Variants in ZNF470 observed in about 807,000 individuals in gnomAD.
The protein encoded by ZNF470 is zinc finger protein 470, also known as chondrogenesis zinc finger protein 1.
Under a neutral mutation model 13.9 loss-of-function variants are expected in ZNF470, and 13 were observed. The observed-to-expected ratio is 0.94, with a 90% CI of 0.61 to 1.49. The LOEUF (loss-of-function observed/expected upper bound fraction) is 1.49, where lower values mean the gene tolerates loss of function less well. Ranked by LOEUF, ZNF470 falls within the 40% of genes most tolerant of loss-of-function variation. The pLI is 0.00. For synonymous variants in ZNF470, 293 were observed against 282.9 expected (o/e 1.04, Z -0.36); for missense variants, 929 against 857.3 (o/e 1.08, Z -1.04).
At chr19:56,569,642 T>C (rs1261028496) in intron 2 of ZNF470, among the ~76,000 whole-genome samples, 1 of 152,112 alleles carries the variant, frequency 6.6e-6, no homozygotes, top group African/African-American at 2.4e-5. Flanking sequence ...TTAAAGACAG[T>C]ATTAATATAT....
At chr19:56,574,361 T>C (rs1473112280) in intron 3 of ZNF470, 33 bp from the exon 4 acceptor site, 1 of 1,613,064 alleles carries the variant, frequency 6.2e-7, no homozygotes, top group South Asian at 1.1e-5. Context: ...ATGTGAACAC[T>C]GAGTGAGCAA....
Position 56,570,289 on chromosome 19 carries a change from C to T in ZNF470, c.-23C>T. Reference sequence around the variant, plus strand: ...TTCTTTTTCTCCCCAGCTCTACAATCCCAGAGTAAAGCTCTTCTCCAAATG... The same window carrying T: ...TTCTTTTTCTCCCCAGCTCTACAATTCCAGAGTAAAGCTCTTCTCCAAATG... On this transcript the variant is annotated 5_prime_UTR_variant, in exon 3 of 6. Coordinates refer to ENST00000330619, the MANE Select transcript of ZNF470 (RefSeq NM_001001668.4). The T allele has an allele frequency of 1.9e-6, 3 of 1,611,710 alleles. No homozygotes were observed. The highest frequency in any genetic ancestry group is 2.5e-6 in the Non-Finnish European group (3 of 1,177,928).
chr19:56,570,245 C>A, intron 2 of ZNF470, 35 bp from the exon 3 acceptor site: 1 of 1,465,844 alleles, frequency 6.8e-7, no homozygotes, highest in South Asian at 1.1e-5. Flanking sequence ...ATTATTAGTG[C>A]TACTTGGTTT....
Position 56,578,868 on chromosome 19 carries a change from T to G in ZNF470, c.*285T>G. 1 of 1,116,952 alleles carries G rather than the reference T, an allele frequency of 9.0e-7. No homozygotes were observed. Among genetic ancestry groups the G allele is most frequent in the Non-Finnish European group, 1.1e-6 (1 of 915,048 alleles). 69.2% of individuals were successfully genotyped at this position (1,116,952 alleles called of 1,614,324 possible). ...ACACTGGCATATAGTTATTGCTAAA[T>G]AAATGCTAGCCATTAAGGTAAAGGT... On this transcript the variant is annotated 3_prime_UTR_variant, in exon 6 of 6. Coordinates refer to ENST00000330619, the MANE Select transcript of ZNF470 (RefSeq NM_001001668.4).
In ZNF470 at chr19:56,581,358, C is replaced by G. The variant is rs1027302026; in HGVS notation, c.*2775C>G. 1.1e-6 allele frequency: 1 copy of G among 948,684 alleles called. No homozygotes were observed. Among genetic ancestry groups the G allele is most frequent in the African/African-American group, 1.8e-5 (1 of 56,428 alleles). The allele number at this position is 948,684 out of a possible 1,614,324, so 58.8% of individuals were successfully genotyped here. A position where few individuals can be genotyped will look rare whatever the true frequency, so the allele number is the denominator to read the frequency against. On this transcript the variant is annotated 3_prime_UTR_variant, in exon 6 of 6. Transcript: ENST00000330619. ...TTCAGTATTGGTGAATGTGTGGAAA[C>G]AAGGGAATTCCATTGTTGATTACAT...
chr19:56,576,932 T>C lies in ZNF470; in HGVS notation c.503T>C (p.Ile168Thr), dbSNP rs1302329739. Reference sequence around the variant, plus strand: ...ACCATCACTCATATAGATACTCTTATTGAAAAAAGAGATCACTCTAACAAA... The same window carrying C: ...ACCATCACTCATATAGATACTCTTACTGAAAAAAGAGATCACTCTAACAAA... ...QETITHIDTL[I>T]EKRDHSNKSG... The change falls in exon 6 of 6, where the codon ATT becomes ACT. Residue 168 changes from isoleucine (I) to threonine (T), a missense_variant. Transcript: ENST00000330619. 7 of 1,579,302 alleles carry C rather than the reference T, an allele frequency of 4.4e-6. No individual in the cohort carries two copies. Among genetic ancestry groups the C allele is most frequent in the East Asian group, 2.2e-5 (1 of 44,654 alleles).
At position 56,578,007 on chromosome 19, in the gene ZNF470, A is replaced by G. The variant is rs4570977; in HGVS notation, c.1578A>G (p.Gln526=). The G allele has an allele frequency of 0.25, 403,931 of 1,613,714 alleles. 53,478 individuals carry two copies. Among genetic ancestry groups the G allele is most frequent in the Middle Eastern group, 0.28 (1,720 of 6,060 alleles). ...TCAGCCAGAATGCACACCTCGCGCA[A>G]CATCAGAAAATACACACTGGGGAGA... ...KTFSQNAHLA[Q]HQKIHTGEKP... The change falls in exon 6 of 6, where the codon CAA becomes CAG. Residue 526 remains glutamine, a synonymous_variant. Coordinates refer to ENST00000330619, the MANE Select transcript of ZNF470 (RefSeq NM_001001668.4).
chr19:56,574,239 C>T, intron 3 of ZNF470, 155 bp from the exon 4 acceptor site: 5 of 1,220,536 alleles, frequency 4.1e-6, no homozygotes, highest in Non-Finnish European at 6.0e-6. Context: ...AAAAGTTGTC[C>T]AATAACTTAC....
rs2044523845 is a variant in ZNF470 at position 56,580,054 on chromosome 19, G to C, written c.*1471G>C. 4.2e-6 allele frequency: 3 copies of C among 707,976 alleles called. No individual in the cohort carries two copies. In the South Asian group the frequency reaches 1.9e-4, roughly 45 times the overall value. The allele number at this position is 707,976 out of a possible 1,614,324, so 43.9% of individuals were successfully genotyped here. A position where few individuals can be genotyped will look rare whatever the true frequency, so the allele number is the denominator to read the frequency against. ...TCTAGTAGAACAGAAAAAATTAAAT[G>C]CATGCTATGTGATAAGTATATGATA... On this transcript the variant is annotated 3_prime_UTR_variant, in exon 6 of 6. Transcript: ENST00000330619.
In ZNF470 at chr19:56,577,085, A is replaced by T. The variant is rs200485305; in HGVS notation, c.656A>T (p.Lys219Met). The part of the protein sequence containing the change: ...LKTHSVVKKH[K>M]QDRGEKKLLK... ...ACACATTCAGTTGTGAAAAAACACA[A>T]GCAAGACCGTGGAGAAAAGAAACTT... is the stretch of plus-strand genomic sequence containing the variant. Residue 219 changes from lysine to methionine, a missense_variant, in exon 6 of 6, where the codon AAG (lysine) becomes ATG (methionine). Coordinates refer to ENST00000330619, the MANE Select transcript of ZNF470 (RefSeq NM_001001668.4). 8 of 1,604,260 alleles carry T rather than the reference A, an allele frequency of 5.0e-6. No homozygotes were observed. The African/African-American group carries it at 1.1e-4, about 22-fold the overall frequency.
Position 56,577,538 on chromosome 19 carries a change from G to A in ZNF470, c.1109G>A (p.Cys370Tyr). Residue 370 changes from cysteine (C) to tyrosine (Y), a missense_variant, in exon 6 of 6, where the codon TGT becomes TAT. Transcript: ENST00000330619. ...CACACTGGGAAAAGACCTTATGAAT[G>A]TATTGACTGTGGGAAAGCTTTCAGG... ...RIHTGKRPYE[C>Y]IDCGKAFRQN... 1 of 1,614,122 alleles carries A rather than the reference G, an allele frequency of 6.2e-7. No homozygotes were observed. The highest frequency in any genetic ancestry group is 8.5e-7 in the Non-Finnish European group (1 of 1,180,022).
At position 56,579,805 on chromosome 19, in the gene ZNF470, C is replaced by G; in HGVS notation, c.*1222C>G. The G allele has an allele frequency of 3.3e-6, 3 of 905,620 alleles. No individual in the cohort carries two copies. Among genetic ancestry groups the G allele is most frequent in the Non-Finnish European group, 4.0e-6 (3 of 757,544 alleles). 56.1% of individuals were successfully genotyped at this position (905,620 alleles called of 1,614,324 possible). A position where few individuals can be genotyped will look rare whatever the true frequency, so the allele number is the denominator to read the frequency against. ...GAAAATCTGATAAAAATATTTCTCCCTAAATTGTAAATTCATTGATATTCC... is the reference window on the plus strand; with the variant it reads ...GAAAATCTGATAAAAATATTTCTCCGTAAATTGTAAATTCATTGATATTCC... On this transcript the variant is annotated 3_prime_UTR_variant, in exon 6 of 6. Transcript: ENST00000330619.
Position 56,567,990 on chromosome 19 carries a change from A to T in ZNF470, c.-207A>T. On this transcript the variant is annotated 5_prime_UTR_variant, in exon 1 of 6. It removes an upstream start codon present in the reference 5' UTR. Coordinates refer to ENST00000330619, the MANE Select transcript of ZNF470 (RefSeq NM_001001668.4). ...GGGGCAGAGCCCAGGACAGGGCTCC[A>T]TGTCCACAGGACGGCGAGGAGCGAA... The T allele has an allele frequency of 1.0e-6, 1 of 985,600 alleles. No individual in the cohort carries two copies. Among genetic ancestry groups the T allele is most frequent in the Non-Finnish European group, 1.2e-6 (1 of 830,066 alleles). 61.1% of individuals were successfully genotyped at this position (985,600 alleles called of 1,614,324 possible).
Position 56,567,568 on chromosome 19 carries a change from C to T in ZNF470, c.-629C>T, listed in dbSNP as rs62124110. 40,448 of 986,952 alleles carry T rather than the reference C, an allele frequency of 0.041. 872 individuals carry two copies. Among genetic ancestry groups the T allele is most frequent in the South Asian group, 0.055 (1,185 of 21,502 alleles). 61.1% of individuals were successfully genotyped at this position (986,952 alleles called of 1,614,324 possible). On this transcript the variant is annotated 5_prime_UTR_variant, in exon 1 of 6. Transcript: ENST00000330619. ...CAGCGGCCGAGGCTGGACTGGGGCG[C>T]GGCGGGGGCGGTGTCCTGGTTCCTG...
Position 56,580,810 on chromosome 19 carries a change from C to T in ZNF470, c.*2227C>T, listed in dbSNP as rs1239538649. 1 of 982,110 alleles carries T rather than the reference C, an allele frequency of 1.0e-6. No individual in the cohort carries two copies. Among genetic ancestry groups the T allele is most frequent in the Non-Finnish European group, 1.2e-6 (1 of 827,196 alleles). 60.8% of individuals were successfully genotyped at this position (982,110 alleles called of 1,614,324 possible). On this transcript the variant is annotated 3_prime_UTR_variant, in exon 6 of 6. Coordinates refer to ENST00000330619, the MANE Select transcript of ZNF470 (RefSeq NM_001001668.4). ...CACCAGAGAATGTGGAGCTTTCAGA[C>T]TCTCCTTATATATGATAAAAAGGAT...
rs937982575 is a variant in ZNF470, at chr19:56,582,298, G to C, written c.*3715G>C. On this transcript the variant is annotated 3_prime_UTR_variant, in exon 6 of 6. Coordinates refer to ENST00000330619, the MANE Select transcript of ZNF470 (RefSeq NM_001001668.4). ...ATGTAATACTGGTATCTAACTGCTT[G>C]GAATAACTTAAAGTTTAGCTCTTGA... 2 of 985,182 alleles carry C rather than the reference G, an allele frequency of 2.0e-6. No individual in the cohort carries two copies. The highest frequency in any genetic ancestry group is 9.4e-5 in the South Asian group (2 of 21,264). 61.0% of individuals were successfully genotyped at this position (985,182 alleles called of 1,614,324 possible).
rs372170630 is a variant in ZNF470 at position 56,579,899 on chromosome 19, G to A, written c.*1316G>A. 2.7e-5 allele frequency: 11 copies of A among 404,680 alleles called. No individual in the cohort carries two copies. The highest frequency in any genetic ancestry group is 2.1e-4 in the South Asian group (2 of 9,642). The allele number at this position is 404,680 out of a possible 1,614,324, so 25.1% of individuals were successfully genotyped here. A position where few individuals can be genotyped will look rare whatever the true frequency, so the allele number is the denominator to read the frequency against. ...TCATCTGTAGAATTTTGATTTTAAC[G>A]AGGAATGTAGTTTACATTAGGAATG... On this transcript the variant is annotated 3_prime_UTR_variant, in exon 6 of 6. Coordinates refer to ENST00000330619, the MANE Select transcript of ZNF470 (RefSeq NM_001001668.4).
chr19:56,577,084 A>C lies in ZNF470; in HGVS notation c.655A>C (p.Lys219Gln), dbSNP rs755998531. ...AACACATTCAGTTGTGAAAAAACAC[A>C]AGCAAGACCGTGGAGAAAAGAAACT... Reference protein sequence around the residue: ...LKTHSVVKKHKQDRGEKKLLK... With the variant: ...LKTHSVVKKHQQDRGEKKLLK... Residue 219 changes from lysine (K) to glutamine (Q), a missense_variant, in exon 6 of 6, where the codon AAG becomes CAG. By Grantham distance (53) the Lys-to-Gln change is moderately conservative. Coordinates refer to ENST00000330619, the MANE Select transcript of ZNF470 (RefSeq NM_001001668.4). 6.2e-7 allele frequency: 1 copy of C among 1,601,190 alleles called. No individual in the cohort carries two copies. The highest frequency in any genetic ancestry group is 1.1e-5 in the South Asian group (1 of 89,002).
At position 56,570,477 on chromosome 19, in the gene ZNF470, G is replaced by A. The variant is rs2044444232; in HGVS notation, c.60+106G>A. The A allele has an allele frequency of 3.6e-6, 4 of 1,101,032 alleles. No individual in the cohort carries two copies. In the Admixed American group the frequency reaches 6.0e-5, roughly 17 times the overall value. 68.2% of individuals were successfully genotyped at this position (1,101,032 alleles called of 1,614,324 possible). A position where few individuals can be genotyped will look rare whatever the true frequency, so the allele number is the denominator to read the frequency against. The stretch of plus-strand genomic sequence containing the variant: ...TTGTGCTTAAGAGTTCCACCCTGAG[G>A]CCTGTTTCCTGTTTCTTCCCTTTCT... On this transcript the variant is annotated intron_variant, in intron 3 of 5. Transcript: ENST00000330619.
Sources: allele counts gnomAD v4.1 joint callset (sites outside exome capture counted in the v4.1 genomes callset), GRCh38; gene constraint gnomAD v4.1.1; transcripts MANE v1.5; gene names NCBI Gene and HGNC (gene_info 2026-07-23, HGNC 2026-07-21).